Variants in ZNF207 observed in about 807,000 individuals in gnomAD.
ZNF207 encodes BUB3-interacting and GLEBS motif-containing protein ZNF207.
In ZNF207, 24 loss-of-function variants were observed where a neutral mutation model predicts 60.2. The ratio of observed to expected loss-of-function variants is 0.40; its 90% CI spans 0.29 to 0.56. ZNF207 has a LOEUF of 0.56. Among genes scored for constraint, ZNF207 ranks in the 20% least tolerant of loss-of-function variants. The pLI, the probability that ZNF207 is intolerant of heterozygous loss-of-function variation, is 0.49. For missense variants in ZNF207, 452 were observed against 636.6 expected (o/e 0.71, Z 3.12); for synonymous variants, 236 against 194.7 (o/e 1.21, Z -1.77).
intron 2 of ZNF207, among the ~76,000 whole-genome samples, chr17:32,355,766 G>A (rs911079880): frequency 3.9e-5 from 6 of 152,222 alleles, no homozygotes; most frequent in African/African-American, 1.4e-4. Flanking sequence ...ACCAAGAGTA[G>A]TGCCCTGGAA....
chr17:32,357,865 C>A (rs1007236200), intron 2 of ZNF207, among the ~76,000 whole-genome samples: 2 of 151,390 alleles, frequency 1.3e-5, no homozygotes, highest in African/African-American at 4.9e-5. Flanking sequence ...AGTGGTGTGA[C>A]CTCTGCTCAC....
chr17:32,358,397 A>G (rs983228664), intron 2 of ZNF207, 106 bp from the exon 3 acceptor site: 1 of 1,108,308 alleles, frequency 9.0e-7, no homozygotes, highest in Non-Finnish European at 1.2e-6. Flanking sequence ...AATTGGCTCT[A>G]CATGGCCTCA....
chr17:32,360,822 C>T (rs1223272205), intron 4 of ZNF207, 57 bp downstream of exon 4: 25 of 1,611,262 alleles, frequency 1.6e-5, no homozygotes, highest in East Asian at 2.2e-5. Flanking sequence ...GATATTGTAT[C>T]GAAGTATTAC....
At chr17:32,365,204 C>G in intron 7 of ZNF207, 126 bp from the exon 8 acceptor site, 1 of 1,063,764 alleles carries the variant, frequency 9.4e-7, no homozygotes, top group Non-Finnish European at 1.3e-6. Flanking sequence ...GGGCAAATGC[C>G]TAAGTTCCTT....
In ZNF207 at chr17:32,373,895, A is replaced by G. The variant is rs1347659631; in HGVS notation, c.*4136A>G. On this transcript the variant is annotated 3_prime_UTR_variant, in exon 12 of 12. Coordinates refer to ENST00000394670, the MANE Select transcript of ZNF207 (RefSeq NM_001098507.2). Reference sequence around the variant, plus strand: ...CATTGGAAATGCCACTGGATACTGAAATGTGCCTTCTCTTTTTTGAGACGG... The same window carrying G: ...CATTGGAAATGCCACTGGATACTGAGATGTGCCTTCTCTTTTTTGAGACGG... 2 of 152,434 alleles carry G rather than the reference A, an allele frequency of 1.3e-5. No homozygotes were observed. The highest frequency in any genetic ancestry group is 4.8e-5 in the African/African-American group (2 of 41,438). The allele number at this position is 152,434 out of a possible 1,614,324, so 9.4% of individuals were successfully genotyped here.
chr17:32,360,939 C>T lies in ZNF207; in HGVS notation c.523C>T (p.Pro175Ser). Reference protein sequence around the residue: ...PGVPPLMPGMPPVMPGMPPGL... With the variant: ...PGVPPLMPGMSPVMPGMPPGL... Reference sequence around the variant, plus strand: ...TGTTCCTCCTCTGATGCCAGGAATGCCACCAGTTATGCCAGGCATGCCACC... The same window carrying T: ...TGTTCCTCCTCTGATGCCAGGAATGTCACCAGTTATGCCAGGCATGCCACC... Residue 175 changes from proline (P) to serine (S), a missense_variant, in exon 5 of 12, where the codon CCA becomes TCA. Around this residue, in one of 2 missense-constraint regions of ZNF207, gnomAD observed 390 missense variants for 461.4 expected, o/e 0.85. Transcript: ENST00000394670. 1 of 1,613,734 alleles carries T rather than the reference C, an allele frequency of 6.2e-7. No homozygotes were observed. The highest frequency in any genetic ancestry group is 8.5e-7 in the Non-Finnish European group (1 of 1,179,986).
At chr17:32,365,631 T>A (rs1905126201) in intron 8 of ZNF207, 144 bp downstream of exon 8, 1 of 711,540 alleles carries the variant, frequency 1.4e-6, no homozygotes, top group Non-Finnish European at 1.9e-6. Flanking sequence ...AAAAGGTGGC[T>A]TATCCACTTC....
intron 7 of ZNF207, 145 bp from the exon 8 acceptor site, chr17:32,365,185 T>C: frequency 1.2e-6 from 1 of 842,730 alleles, no homozygotes; most frequent in Non-Finnish European, 1.8e-6. Context: ...AAGGTAAGAA[T>C]GTTGCATGGG....
chr17:32,368,318 A>T, intron 10 of ZNF207: 1 of 346,720 alleles, frequency 2.9e-6, no homozygotes, highest in Non-Finnish European at 5.3e-6. Context: ...TGCATATGTT[A>T]ATTGAATAAA....
intron 7 of ZNF207, among the ~76,000 whole-genome samples, chr17:32,364,351 GT>G (rs1229526633): frequency 1.4e-5 from 2 of 139,794 alleles, no homozygotes; most frequent in African/African-American, 5.2e-5. Context: ...GCTATTAGTT[GT>G]TTTTTTTTCT....
intron 2 of ZNF207, among the ~76,000 whole-genome samples, chr17:32,353,018 AC>A (rs2041534126): frequency 6.6e-6 from 1 of 152,216 alleles, no homozygotes; most frequent in Admixed American, 6.5e-5. Context: ...TACTAAAGAT[AC>A]AAAAATTAGC....
At chr17:32,352,091 C>T (rs1454911532) in intron 2 of ZNF207, among the ~76,000 whole-genome samples, 179 bp downstream of exon 2, 2 of 152,132 alleles carry the variant, frequency 1.3e-5, no homozygotes, top group Non-Finnish European at 2.9e-5. Context: ...CCTCAGCCTC[C>T]GGAGTAGTTG....
At position 32,370,666 on chromosome 17, in the gene ZNF207, AAATGTT is replaced by A. The variant is rs1483642564; in HGVS notation, c.*910_*915del. On this transcript the variant is annotated 3_prime_UTR_variant, in exon 12 of 12. Transcript: ENST00000394670. Reference sequence around the variant, plus strand: ...CACGTGTCATAGATACTTAAAATGTAAATGTTAACACTTTTCCTTCCTGCTGAGATG... The same window carrying A: ...CACGTGTCATAGATACTTAAAATGTAAACACTTTTCCTTCCTGCTGAGATG... 1 of 152,220 alleles carries A rather than the reference AAATGTT, an allele frequency of 6.6e-6. No homozygotes were observed. Among genetic ancestry groups the A allele is most frequent in the East Asian group, 1.9e-4 (1 of 5,200 alleles). 9.4% of individuals were successfully genotyped at this position (152,220 alleles called of 1,614,324 possible).
rs1026970593 is a variant in ZNF207 at position 32,378,912 on chromosome 17, G to A, written c.*9153G>A. ...CTTCTTCCTTTTCACCTTGTGTGAT[G>A]TTTAATTTGAGACGATCTAGCCATA... On this transcript the variant is annotated 3_prime_UTR_variant, in exon 12 of 12. Transcript: ENST00000394670. The A allele has an allele frequency of 2.0e-5, 3 of 152,060 alleles. No homozygotes were observed. Among genetic ancestry groups the A allele is most frequent in the African/African-American group, 7.2e-5 (3 of 41,438 alleles). The allele number at this position is 152,060 out of a possible 1,614,324, so 9.4% of individuals were successfully genotyped here.
intron 7 of ZNF207, 82 bp downstream of exon 7, chr17:32,363,066 A>G: frequency 1.5e-6 from 2 of 1,298,650 alleles, no homozygotes; most frequent in Non-Finnish European, 1.1e-6. Flanking sequence ...GCATTAGTAT[A>G]ATGAAATTTA....
intron 3 of ZNF207, among the ~76,000 whole-genome samples, chr17:32,358,988 C>T (rs75541289): frequency 1.8e-4 from 28 of 152,134 alleles, no homozygotes; most frequent in Admixed American, 1.4e-3. Flanking sequence ...TTAGTAGATA[C>T]GGGGTTTTAC....
In ZNF207 at chr17:32,381,383, C is replaced by T. The variant is rs1905882386; in HGVS notation, c.*11624C>T. On this transcript the variant is annotated 3_prime_UTR_variant, in exon 12 of 12. Transcript: ENST00000394670. The stretch of plus-strand genomic sequence containing the variant: ...ATAATTTTTAATGTAAGTAAATGAG[C>T]TCACTAAGGGTAATTAAATACTAGC... 6.6e-6 allele frequency: 1 copy of T among 152,132 alleles called. No homozygotes were observed. The highest frequency in any genetic ancestry group is 2.4e-5 in the African/African-American group (1 of 41,422). 9.4% of individuals were successfully genotyped at this position (152,132 alleles called of 1,614,324 possible). A position where few individuals can be genotyped will look rare whatever the true frequency, so the allele number is the denominator to read the frequency against.
At chr17:32,356,874 T>G (rs571977924) in intron 2 of ZNF207, among the ~76,000 whole-genome samples, 1 of 152,296 alleles carries the variant, frequency 6.6e-6, no homozygotes, top group East Asian at 1.9e-4. Context: ...TTCAGTGTGT[T>G]GCAATAAACA....
In ZNF207 at chr17:32,350,173, C is replaced by T. The variant is rs768608675; in HGVS notation, c.-113C>T. ...AACGAGGCCGTCGGCCATTTTGTGTCTGCTTCCTGTGGGACGTGGTGGTAG... is the reference window on the plus strand; with the variant it reads ...AACGAGGCCGTCGGCCATTTTGTGTTTGCTTCCTGTGGGACGTGGTGGTAG... On this transcript the variant is annotated 5_prime_UTR_variant, in exon 1 of 12. Coordinates refer to ENST00000394670, the MANE Select transcript of ZNF207 (RefSeq NM_001098507.2). 14 of 1,534,738 alleles carry T rather than the reference C, an allele frequency of 9.1e-6. No individual in the cohort carries two copies. Among genetic ancestry groups the T allele is most frequent in the South Asian group, 7.9e-5 (7 of 88,548 alleles).
Sources: allele counts gnomAD v4.1 joint callset (sites outside exome capture counted in the v4.1 genomes callset), GRCh38; gene constraint gnomAD v4.1.1; regional missense constraint gnomAD v4.1.1; transcripts MANE v1.5; gene names NCBI Gene and HGNC (gene_info 2026-07-23, HGNC 2026-07-21).